Variants in CCDC171 observed in about 807,000 individuals in gnomAD.
The protein encoded by CCDC171 is coiled-coil domain containing 171.
A neutral mutation model predicts 168.2 loss-of-function variants in CCDC171; 177 were observed. The observed-to-expected ratio is 1.05, with a 90% CI of 0.93 to 1.19. The LOEUF (loss-of-function observed/expected upper bound fraction) is 1.19, where lower values mean the gene tolerates loss of function less well. Ranked by LOEUF, CCDC171 falls within the 50% of genes most tolerant of loss-of-function variation. The probability of loss-of-function intolerance (pLI) is 0.00; values close to 1 mark genes in which losing one functional copy is unlikely to be tolerated. For synonymous variants in CCDC171, 687 were observed against 540.8 expected (o/e 1.27, Z -3.75); for missense variants, 1,991 against 1,539.0 (o/e 1.29, Z -4.91).
At chr9:15,683,912 G>A (rs1373586228) in intron 10 of CCDC171, among the ~76,000 whole-genome samples, 1 of 152,068 alleles carries the variant, frequency 6.6e-6, no homozygotes, top group Non-Finnish European at 1.5e-5. Flanking sequence ...GTAAAGAAGG[G>A]TAACATTTCA....
chr9:15,920,865 A>G (rs571976626), intron 25 of CCDC171, among the ~76,000 whole-genome samples: 1 of 151,722 alleles, frequency 6.6e-6, no homozygotes, highest in South Asian at 2.1e-4. Flanking sequence ...CTAAAGATGC[A>G]TGTTGTGATT....
intron 6 of CCDC171, among the ~76,000 whole-genome samples, chr9:16,025,772 G>A (rs572276824): frequency 6.6e-6 from 1 of 152,284 alleles, no homozygotes; most frequent in African/African-American, 2.4e-5. Flanking sequence ...CAGATCAGTG[G>A]TTGCTGAGAT....
intron 2 of CCDC171, among the ~76,000 whole-genome samples, chr9:15,566,014 T>C (rs968607095): frequency 4.6e-5 from 7 of 152,206 alleles, no homozygotes; most frequent in Admixed American, 4.6e-4. Context: ...ACCTGACCAA[T>C]ACTGGTTTTT....
At chr9:15,705,849 T>A (rs1409471431) in intron 11 of CCDC171, among the ~76,000 whole-genome samples, 1 of 152,216 alleles carries the variant, frequency 6.6e-6, no homozygotes, top group East Asian at 1.9e-4. Context: ...AAAAAGTATT[T>A]GTCGAATATG....
chr9:15,784,021 A>G (rs2057804727), intron 20 of CCDC171, among the ~76,000 whole-genome samples: 1 of 152,156 alleles, frequency 6.6e-6, no homozygotes, highest in Admixed American at 6.5e-5. Flanking sequence ...ATGGCTGTGA[A>G]GAAAATAAAA....
At chr9:15,749,150 A>G (rs1224414413) in intron 18 of CCDC171, among the ~76,000 whole-genome samples, 1 of 152,110 alleles carries the variant, frequency 6.6e-6, no homozygotes, top group Non-Finnish European at 1.5e-5. Context: ...AAGCAAAAAA[A>G]AAAAAAGCAG....
intron 7 of CCDC171, among the ~76,000 whole-genome samples, chr9:15,628,324 C>T (rs1379972243): frequency 6.6e-6 from 1 of 152,190 alleles, no homozygotes; most frequent in Non-Finnish European, 1.5e-5. Flanking sequence ...CACTCCCACC[C>T]CAATACTGCG....
chr9:15,673,824 C>T (rs1168358877), intron 9 of CCDC171, among the ~76,000 whole-genome samples: 1 of 152,102 alleles, frequency 6.6e-6, no homozygotes, highest in East Asian at 1.9e-4. Context: ...TTTGTTGTGT[C>T]TCTGCCAGGC....
At chr9:15,648,621 C>G (rs2047240463) in intron 7 of CCDC171, among the ~76,000 whole-genome samples, 1 of 152,118 alleles carries the variant, frequency 6.6e-6, no homozygotes, top group Non-Finnish European at 1.5e-5. Flanking sequence ...AGCAGAGAGC[C>G]AACTCATGAG....
At chr9:16,007,866 G>T (rs11790527) in intron 3 of CCDC171, among the ~76,000 whole-genome samples, 50,431 of 152,050 alleles carry the variant, frequency 0.33, 8,624 homozygotes, top group Non-Finnish European at 0.36. Context: ...CAGGTAGCGT[G>T]ATGCCTCCAG....
intron 6 of CCDC171, among the ~76,000 whole-genome samples, chr9:15,606,654 G>A (rs1206249561): frequency 2.0e-5 from 3 of 152,154 alleles, no homozygotes; most frequent in South Asian, 4.1e-4. Flanking sequence ...GAACGGAACT[G>A]TATTTTGGAT....
At chr9:15,621,839 A>G (rs933467746) in intron 6 of CCDC171, among the ~76,000 whole-genome samples, 3 of 152,212 alleles carry the variant, frequency 2.0e-5, no homozygotes, top group Non-Finnish European at 4.4e-5. Flanking sequence ...GCATATGTTC[A>G]TTGCAGCACT....
chr9:15,962,474 T>C (rs1393501075), intron 25 of CCDC171, among the ~76,000 whole-genome samples: 1 of 152,224 alleles, frequency 6.6e-6, no homozygotes, highest in Non-Finnish European at 1.5e-5. Context: ...CCAATGGTTC[T>C]ATCAATTTAT....
intron 18 of CCDC171, among the ~76,000 whole-genome samples, chr9:15,769,527 T>C (rs1240392070): frequency 1.3e-5 from 2 of 152,248 alleles, no homozygotes; most frequent in African/African-American, 4.8e-5. Flanking sequence ...TAGACCATGA[T>C]AATATTAGCA....
At chr9:15,773,920 A>T (rs2057152532) in intron 18 of CCDC171, among the ~76,000 whole-genome samples, 1 of 152,158 alleles carries the variant, frequency 6.6e-6, no homozygotes, top group South Asian at 2.1e-4. Context: ...TCCAGAATCT[A>T]CAAAGAACTC....
chr9:16,070,583 G>T, the CCDC171 span, among the ~76,000 whole-genome samples: 1 of 152,176 alleles, frequency 6.6e-6, no homozygotes, highest in Non-Finnish European at 1.5e-5. Context: ...CAGGGTGGGT[G>T]TGAGGAAGGA....
intron 24 of CCDC171, among the ~76,000 whole-genome samples, chr9:15,890,008 G>A (rs1395816909): frequency 2.0e-5 from 3 of 152,114 alleles, no homozygotes; most frequent in Admixed American, 6.6e-5. Flanking sequence ...ATAGTATTTA[G>A]AGACCAGTGT....
intron 10 of CCDC171, among the ~76,000 whole-genome samples, chr9:15,685,769 A>G (rs1425931318): frequency 6.6e-6 from 1 of 152,216 alleles, no homozygotes; most frequent in African/African-American, 2.4e-5. Context: ...AAAACTTGTC[A>G]ACTGTAAAAC....
intron 8 of CCDC171, among the ~76,000 whole-genome samples, chr9:15,658,354 G>C (rs1244933511): frequency 6.6e-6 from 1 of 152,152 alleles, no homozygotes; most frequent in Non-Finnish European, 1.5e-5. Flanking sequence ...TGCCATATTG[G>C]TAGATAAAGG....
Sources: allele counts gnomAD v4.1 joint callset (sites outside exome capture counted in the v4.1 genomes callset), GRCh38; gene constraint gnomAD v4.1.1; transcripts MANE v1.5; gene names NCBI Gene and HGNC (gene_info 2026-07-23, HGNC 2026-07-21).